Variants in NAALADL2 observed in about 807,000 individuals in gnomAD.
NAALADL2 encodes inactive N-acetylated-alpha-linked acidic dipeptidase-like protein 2.
A neutral mutation model predicts 87.2 loss-of-function variants in NAALADL2; 76 were observed. That is an observed-to-expected ratio of 0.87 (90% CI 0.72 to 1.05). The LOEUF is 1.05. NAALADL2 is among the 50% of genes least tolerant of loss of function. The pLI is 0.00. For missense variants in NAALADL2, 1,089 were observed against 945.8 expected (o/e 1.15, Z -1.99); for synonymous variants, 354 against 331.0 (o/e 1.07, Z -0.75).
At chr3:175,335,146 A>G (rs1232637191) in intron 5 of NAALADL2, among the ~76,000 whole-genome samples, 2 of 152,196 alleles carry the variant, frequency 1.3e-5, no homozygotes, top group Admixed American at 6.5e-5. Context: ...ACTGAGTTAG[A>G]AGGGCTAGAG....
chr3:174,852,458 A>G (rs1391363840), intron 3 of NAALADL2, among the ~76,000 whole-genome samples: 2 of 152,140 alleles, frequency 1.3e-5, no homozygotes, highest in Non-Finnish European at 2.9e-5. Context: ...AAGTAATCCC[A>G]TTTACCATAG....
Position 175,087,080 on chromosome 3 carries a change from C to T in NAALADL2, c.44-9710C>T, listed in dbSNP as rs527942071. Among the ~76,000 whole-genome samples the T allele has an allele frequency of 3.3e-5, 5 of 152,160 alleles. No individual in the cohort carries two copies. In the East Asian group the frequency reaches 9.6e-4, roughly 29 times the overall value. On this transcript the variant is annotated intron_variant, in intron 1 of 13. Transcript: ENST00000454872. ...TAAAATATTAAAATAAAAACCTATC[C>T]TTGTTTATCTTGAGACATAGGTATA...
At chr3:175,086,129 A>G (rs747736273) in intron 1 of NAALADL2, among the ~76,000 whole-genome samples, 19 of 152,336 alleles carry the variant, frequency 1.2e-4, no homozygotes, top group Non-Finnish European at 2.2e-4. Context: ...TTTGAAAACT[A>G]AAGATCTGAT....
At chr3:174,458,064 A>C (rs1028155890) in intron 1 of NAALADL2, among the ~76,000 whole-genome samples, 8 of 152,156 alleles carry the variant, frequency 5.3e-5, no homozygotes, top group African/African-American at 1.9e-4. Context: ...TGGGTGGAGA[A>C]ATAATCTGTA....
At chr3:175,238,807 G>A (rs1242113448) in intron 3 of NAALADL2, among the ~76,000 whole-genome samples, 1 of 152,016 alleles carries the variant, frequency 6.6e-6, no homozygotes, top group Non-Finnish European at 1.5e-5. Flanking sequence ...AAAGATTCAG[G>A]CATGCCTCTT....
intron 5 of NAALADL2, among the ~76,000 whole-genome samples, chr3:175,419,026 G>A (rs947495029): frequency 6.9e-5 from 10 of 145,554 alleles, no homozygotes; most frequent in Admixed American, 6.8e-4. Flanking sequence ...TTTTTTTTAT[G>A]TTTTGGAGTC....
intron 11 of NAALADL2, among the ~76,000 whole-genome samples, chr3:175,667,241 A>AAGAAAGAAAGAAAGAAAGAGAAAG (rs1182682303): frequency 1.1e-5 from 1 of 91,716 alleles, no homozygotes; most frequent in African/African-American, 5.1e-5. Context: ...GAAAGAAAGA[A>AAGAAAGAAAGAAAGAAAGAGAAAG]AAAGAAAGAA....
At chr3:175,653,778 G>C (rs1731093514) in intron 11 of NAALADL2, among the ~76,000 whole-genome samples, 3 of 152,034 alleles carry the variant, frequency 2.0e-5, no homozygotes, top group South Asian at 4.1e-4. Flanking sequence ...TCTCTCTTTG[G>C]GGTTTTCCTT....
intron 2 of NAALADL2, among the ~76,000 whole-genome samples, chr3:175,209,714 T>TATATAA (rs1741482208): frequency 6.6e-6 from 1 of 151,690 alleles, no homozygotes; most frequent in Non-Finnish European, 1.5e-5. Context: ...TGGATATATA[T>TATATAA]ATATATACTT....
intron 2 of NAALADL2, among the ~76,000 whole-genome samples, chr3:175,135,977 G>A (rs865860180): frequency 3.3e-5 from 5 of 152,170 alleles, no homozygotes; most frequent in Non-Finnish European, 5.9e-5. Context: ...ATTATATGCA[G>A]ACCCAAAGTT....
chr3:175,257,591 T>C (rs968897963), intron 4 of NAALADL2, among the ~76,000 whole-genome samples: 3 of 138,048 alleles, frequency 2.2e-5, no homozygotes, highest in Non-Finnish European at 4.7e-5. Flanking sequence ...GGGGTCAGGG[T>C]GGGGGGGCAC....
At chr3:175,735,961 C>A (rs1003760154) in intron 11 of NAALADL2, among the ~76,000 whole-genome samples, 8 of 152,156 alleles carry the variant, frequency 5.3e-5, no homozygotes, top group African/African-American at 1.9e-4. Context: ...CATTCACTAA[C>A]CACATTTCAC....
intron 1 of NAALADL2, among the ~76,000 whole-genome samples, chr3:174,964,035 G>GAAA (rs35955059): frequency 0.079 from 11,975 of 151,086 alleles, 1,569 homozygotes; most frequent in African/African-American, 0.28. Context: ...AATCTTTTGG[G>GAAA]AAAAAAAACT....
At chr3:175,520,282 ATTTTTTTTTTTTTTTT>A (rs35580351) in intron 9 of NAALADL2, among the ~76,000 whole-genome samples, 2 of 78,158 alleles carry the variant, frequency 2.6e-5, no homozygotes, top group Non-Finnish European at 4.9e-5. Flanking sequence ...AAAGAATGCA[ATTTTTTTTTTTTTTTT>A]TTTTTTTTTT....
In NAALADL2 at chr3:175,796,764, T is replaced by A. The variant is rs567281508; in HGVS notation, c.2190-6241T>A. Among the ~76,000 whole-genome samples, 8 of 152,312 alleles carry A rather than the reference T, an allele frequency of 5.3e-5. No individual in the cohort carries two copies. The South Asian group carries it at 8.3e-4, about 16-fold the overall frequency. On this transcript the variant is annotated intron_variant, in intron 13 of 13. Coordinates refer to ENST00000454872, the MANE Select transcript of NAALADL2 (RefSeq NM_207015.3). ...TTTAGTGTGATTTCATTTAGGAGTT[T>A]CTCAACATGGGGTATAATGAATGTT... is the stretch of plus-strand genomic sequence containing the variant.
intron 2 of NAALADL2, among the ~76,000 whole-genome samples, chr3:175,174,499 G>GA (rs1212728280): frequency 6.6e-6 from 1 of 151,672 alleles, no homozygotes; most frequent in East Asian, 1.9e-4. Flanking sequence ...ACATGAAAAT[G>GA]AAAAAAATTA....
intron 11 of NAALADL2, among the ~76,000 whole-genome samples, chr3:175,702,980 A>G (rs1739191551): frequency 6.6e-6 from 1 of 152,154 alleles, no homozygotes; most frequent in Non-Finnish European, 1.5e-5. Flanking sequence ...AATTCCACCA[A>G]TGTGCTACAA....
At chr3:175,464,082 A>C (rs117950868) in intron 7 of NAALADL2, among the ~76,000 whole-genome samples, 4,588 of 152,150 alleles carry the variant, frequency 0.03, 206 homozygotes, top group East Asian at 0.14. Context: ...GTGATCCACC[A>C]GCCTTGGCCT....
intron 2 of NAALADL2, among the ~76,000 whole-genome samples, chr3:174,734,141 G>T (rs1304132925): frequency 2.0e-5 from 3 of 152,032 alleles, no homozygotes; most frequent in African/African-American, 7.2e-5. Context: ...TTAATTTCTT[G>T]CATACCCTTA....
Sources: gnomAD v4.1 joint callset for allele counts (sites outside exome capture counted in the v4.1 genomes callset) on GRCh38, gnomAD v4.1.1 for gene constraint, MANE v1.5 for transcripts, NCBI Gene and HGNC (gene_info 2026-07-23, HGNC 2026-07-21) for gene names.